MRE11: variants seen among roughly 807,000 people sequenced by gnomAD.
MRE11 encodes MRE11 double strand break repair nuclease.
A neutral mutation model predicts 91.7 loss-of-function variants in MRE11; 62 were observed. The observed-to-expected ratio is 0.68, with a 90% CI of 0.55 to 0.84. MRE11 has a LOEUF of 0.84. Among genes scored for constraint, MRE11 ranks in the 40% least tolerant of loss-of-function variants. MRE11 has a pLI of 0.00. For missense variants in MRE11, 796 were observed against 852.9 expected (o/e 0.93, Z 0.83); for synonymous variants, 273 against 271.4 (o/e 1.01, Z -0.06).
chr11:94,508,837 C>T, the MRE11 span, among the ~76,000 whole-genome samples: 1 of 151,502 alleles, frequency 6.6e-6, no homozygotes, highest in East Asian at 1.9e-4. Context: ...TCTCGGCTCA[C>T]TGCAACCTCT....
At chr11:94,511,837 T>C in the MRE11 span, among the ~76,000 whole-genome samples, 96 of 152,364 alleles carry the variant, frequency 6.3e-4, no homozygotes, top group East Asian at 0.016. Context: ...AATAAAACCC[T>C]GAATTTTTCT....
chr11:94,506,427 T>TGAAGACACACATGTAACAATTG, the MRE11 span, among the ~76,000 whole-genome samples: 4 of 152,026 alleles, frequency 2.6e-5, no homozygotes, highest in Non-Finnish European at 5.9e-5. Context: ...GGTATATAAT[T>TGAAGACACACATGTAACAATTG]GAAGACACAC....
intron 14 of MRE11, among the ~76,000 whole-genome samples, chr11:94,452,940 T>C (rs1168660567): frequency 1.3e-5 from 2 of 152,114 alleles, no homozygotes; most frequent in African/African-American, 4.8e-5. Flanking sequence ...TATAGAACTT[T>C]CTCATCATCC....
rs56189375 is a variant in MRE11 at position 94,428,698 on chromosome 11, C to T, written c.2070+1213G>A. 3.5e-3 allele frequency among the ~76,000 whole-genome samples: 530 copies of T among 152,054 alleles called. 5 individuals are homozygous for T. Among genetic ancestry groups the T allele is most frequent in the African/African-American group, 0.012 (507 of 41,476 alleles). On this transcript the variant is annotated intron_variant, in intron 19 of 19. Coordinates refer to ENST00000323929, the MANE Select transcript of MRE11 (RefSeq NM_005591.4). Reference sequence around the variant, plus strand: ...CCAACATGGTGAAACCCTGTCTGTACTAAAGATTCAAAAAATTAGCTAGGC... The same window carrying T: ...CCAACATGGTGAAACCCTGTCTGTATTAAAGATTCAAAAAATTAGCTAGGC...
At chr11:94,495,395 C>T (rs1947400808), upstream of MRE11, among the ~76,000 whole-genome samples, 1 of 152,052 alleles carries the variant, frequency 6.6e-6, no homozygotes, top group African/African-American at 2.4e-5. Flanking sequence ...TATCTTTCAG[C>T]TTATAATCTT....
In MRE11 at chr11:94,437,163, A is replaced by G. The variant is rs1370384664; in HGVS notation, c.1926+14T>C. The G allele has an allele frequency of 2.7e-5, 44 of 1,606,478 alleles. No homozygotes were observed. The highest frequency in any genetic ancestry group is 3.7e-5 in the Non-Finnish European group (44 of 1,174,486). ...TAAATTATTAATACACAACCATAAA[A>G]CTTTTTTTCTTACCTCTGAATAATT... On this transcript the variant is annotated intron_variant, in intron 17 of 19. Transcript: ENST00000323929.
the MRE11 span, among the ~76,000 whole-genome samples, chr11:94,506,000 T>C: frequency 6.6e-6 from 1 of 152,238 alleles, no homozygotes; most frequent in Non-Finnish European, 1.5e-5. Flanking sequence ...TAGTAGGCTG[T>C]GCCACCTAGC....
chr11:94,473,645 T>C (rs1946773286), intron 7 of MRE11: 1 of 151,480 alleles, frequency 6.6e-6, no homozygotes, highest in Non-Finnish European at 1.5e-5. Context: ...AAGAACCACA[T>C]AACCACAGTG....
chr11:94,441,977 CAA>C (rs35673778), intron 16 of MRE11, among the ~76,000 whole-genome samples: 33 of 48,202 alleles, frequency 6.8e-4, no homozygotes, highest in Middle Eastern at 0.011. Context: ...GACTCTGTCT[CAA>C]AAAAAAAAAA....
Position 94,419,404 on chromosome 11 carries a change from A to G in MRE11, c.*721T>C, listed in dbSNP as rs1036618259. 1.3e-5 allele frequency: 3 copies of G among 231,838 alleles called. No individual in the cohort carries two copies. Among genetic ancestry groups the G allele is most frequent in the Non-Finnish European group, 2.6e-5 (3 of 117,460 alleles). 14.4% of individuals were successfully genotyped at this position (231,838 alleles called of 1,614,324 possible). ...TTTCCTCCTAGAACTAGGCACGCAT[A>G]TATGTATGAAAGAGAAGAAAAAGCA... On this transcript the variant is annotated 3_prime_UTR_variant, in exon 20 of 20. Coordinates refer to ENST00000323929, the MANE Select transcript of MRE11 (RefSeq NM_005591.4).
chr11:94,474,129 T>C (rs1451080950), intron 7 of MRE11, among the ~76,000 whole-genome samples: 2 of 152,162 alleles, frequency 1.3e-5, no homozygotes, highest in South Asian at 2.1e-4. Flanking sequence ...TACGCATTTG[T>C]GGATTTCTGA....
In MRE11 at chr11:94,455,149, C is replaced by A. The variant is rs530943978; in HGVS notation, c.1563+1127G>T. On this transcript the variant is annotated intron_variant, in intron 14 of 19. Coordinates refer to ENST00000323929, the MANE Select transcript of MRE11 (RefSeq NM_005591.4). ...TGCACCGAATTAATATTATAATAAT[C>A]TAAAATTTTGATAGGACACAGGATG... Among the ~76,000 whole-genome samples the A allele has an allele frequency of 7.9e-5, 12 of 152,168 alleles. No homozygotes were observed. In the East Asian group the frequency reaches 2.3e-3, roughly 29 times the overall value.
upstream of MRE11, chr11:94,498,566 C>A: frequency 6.5e-7 from 1 of 1,540,492 alleles, no homozygotes; most frequent in Non-Finnish European, 8.9e-7. Flanking sequence ...TTCTAAATAC[C>A]AGTGCCTCCT....
At chr11:94,443,040 AT>A (rs1219758771) in intron 16 of MRE11, among the ~76,000 whole-genome samples, 13 of 152,216 alleles carry the variant, frequency 8.5e-5, no homozygotes, top group Non-Finnish European at 1.5e-4. Flanking sequence ...TAGCAATGGA[AT>A]TTTTTGTAAG....
At chr11:94,499,367 G>A in the MRE11 span, 4 of 152,324 alleles carry the variant, frequency 2.6e-5, no homozygotes, top group Non-Finnish European at 5.9e-5. Flanking sequence ...CAAGTTCACA[G>A]GAAATGTTGA....
chr11:94,492,496 T>C, intron 2 of MRE11: 1 of 601,770 alleles, frequency 1.7e-6, no homozygotes, highest in Non-Finnish European at 2.9e-6. Flanking sequence ...AATTCAAGAA[T>C]ATTTATCACT....
chr11:94,473,978 A>G (rs1946784282), intron 7 of MRE11, among the ~76,000 whole-genome samples: 1 of 152,166 alleles, frequency 6.6e-6, no homozygotes, highest in Middle Eastern at 3.2e-3. Flanking sequence ...GATTAGAATC[A>G]GTCTGAACTT....
intron 19 of MRE11, among the ~76,000 whole-genome samples, chr11:94,427,477 T>C (rs1304277282): frequency 6.6e-6 from 1 of 152,048 alleles, no homozygotes; most frequent in Non-Finnish European, 1.5e-5. Context: ...CCCTGAGAAC[T>C]GGAAAAAGAT....
In MRE11 at chr11:94,440,513, G is replaced by C. The variant is rs187231741; in HGVS notation, c.1868-3278C>G. 7.2e-4 allele frequency among the ~76,000 whole-genome samples: 109 copies of C among 152,064 alleles called. 1 individual carries two copies. In the East Asian group the frequency reaches 0.017, roughly 23 times the overall value. On this transcript the variant is annotated intron_variant, in intron 16 of 19. Coordinates refer to ENST00000323929, the MANE Select transcript of MRE11 (RefSeq NM_005591.4). ...CCAGGCCAAAACTGAAGAAAAGCTA[G>C]AACTCAGAGAGGTAAGCAGAGTCCT...
Sources: allele counts gnomAD v4.1 joint callset (sites outside exome capture counted in the v4.1 genomes callset), GRCh38; gene constraint gnomAD v4.1.1; transcripts MANE v1.5; gene names NCBI Gene and HGNC (gene_info 2026-07-23, HGNC 2026-07-21).